The following CSN1S1 variants were observed in gnomAD, a reference collection of about 807,000 sequenced individuals.
The protein encoded by CSN1S1 is casein alpha s1.
CSN1S1 carries 63 observed loss-of-function variants against 49.1 expected under a neutral mutation model. The observed-to-expected ratio is 1.28, with a 90% confidence interval of 1.05 to 1.58. The LOEUF (loss-of-function observed/expected upper bound fraction) is 1.58. Among genes scored for constraint, CSN1S1 ranks in the 40% most tolerant of loss-of-function variants. The probability of loss-of-function intolerance (pLI) is 0.00; values close to 1 mark genes in which losing one functional copy is unlikely to be tolerated. For synonymous variants in CSN1S1, 78 were observed against 67.1 expected (o/e 1.16, Z -0.79); for missense variants, 260 against 224.7 (o/e 1.16, Z -1.01).
At chr4:69,935,844 T>A (rs1722761789) in intron 4 of CSN1S1, 82 bp from the exon 5 acceptor site, 2 of 895,608 alleles carry the variant, frequency 2.2e-6, no homozygotes, top group Admixed American at 4.7e-5. Flanking sequence ...GAACATAACG[T>A]TTTAATTCAA....
intron 4 of CSN1S1, 40 bp from the exon 5 acceptor site, chr4:69,935,881 TAACTC>T (rs756293751): frequency 8.9e-6 from 11 of 1,232,200 alleles, no homozygotes; most frequent in South Asian, 2.7e-5. Context: ...ATTTGATAGA[TAACTC>T]AACTATGAAT....
chr4:69,933,238 A>G (rs76597938), intron 2 of CSN1S1, among the ~76,000 whole-genome samples: 33 of 152,114 alleles, frequency 2.2e-4, no homozygotes, highest in South Asian at 8.3e-4. Flanking sequence ...TAAGTATGTG[A>G]ACCAAAAAGT....
chr4:69,945,100 C>A, intron 15 of CSN1S1, 96 bp downstream of exon 15: 1 of 1,316,750 alleles, frequency 7.6e-7, no homozygotes, highest in Non-Finnish European at 1.1e-6. Flanking sequence ...TTAGATTAAA[C>A]ATGGCAAATC....
At position 69,941,042 on chromosome 4, in the gene CSN1S1, A is replaced by C; in HGVS notation, c.324A>C (p.Glu108Asp). The C allele has an allele frequency of 6.6e-7, 1 of 1,515,608 alleles. No individual in the cohort carries two copies. The highest frequency in any genetic ancestry group is 1.8e-5 in the Admixed American group (1 of 54,110). The allele number at this position is 1,515,608 out of a possible 1,614,324, so 93.9% of individuals were successfully genotyped here. The part of the protein sequence containing the change: ...KCAEQFCRLN[E>D]YNQLQLQAAH... The stretch of plus-strand genomic sequence containing the variant: ...AGGAACAGTTTTGTAGACTGAACGA[A>C]TACAACCAACTTCAGCTGGTAATAT... The change falls in exon 12 of 16, where the codon GAA becomes GAC. Residue 108 changes from glutamate (E) to aspartate (D), a missense_variant. Transcript: ENST00000246891.
At position 69,940,077 on chromosome 4, in the gene CSN1S1, A is replaced by T; in HGVS notation, c.300+33A>T. The stretch of plus-strand genomic sequence containing the variant: ...ATATTTGCTAAATTTAAAATATATT[A>T]ATATTTTCCAGGATAATTAAAATGC... On this transcript the variant is annotated intron_variant, in intron 11 of 15. Coordinates refer to ENST00000246891, the MANE Select transcript of CSN1S1 (RefSeq NM_001890.2). 7 of 1,081,184 alleles carry T rather than the reference A, an allele frequency of 6.5e-6. No individual in the cohort carries two copies. The South Asian group carries it at 8.4e-5, about 13-fold the overall frequency. 67.0% of individuals were successfully genotyped at this position (1,081,184 alleles called of 1,614,324 possible).
Position 69,934,257 on chromosome 4 carries a change from T to C in CSN1S1, c.84+13T>C, listed in dbSNP as rs1722700836. 6.2e-7 allele frequency: 1 copy of C among 1,609,726 alleles called. No homozygotes were observed. The highest frequency in any genetic ancestry group is 8.5e-7 in the Non-Finnish European group (1 of 1,177,258). On this transcript the variant is annotated intron_variant, in intron 3 of 15. Coordinates refer to ENST00000246891, the MANE Select transcript of CSN1S1 (RefSeq NM_001890.2). ...AGAACGCCTTCAGGTAAATATTCTATTCTGCATTCCAAGAACTCACTCTAA... is the reference window on the plus strand; with the variant it reads ...AGAACGCCTTCAGGTAAATATTCTACTCTGCATTCCAAGAACTCACTCTAA...
intron 4 of CSN1S1, among the ~76,000 whole-genome samples, chr4:69,935,499 G>A (rs1028233838): frequency 2.0e-5 from 3 of 152,050 alleles, no homozygotes; most frequent in African/African-American, 7.2e-5. Flanking sequence ...GCAATGAGTC[G>A]TGATAGCACA....
intron 1 of CSN1S1, among the ~76,000 whole-genome samples, chr4:69,931,397 TG>T (rs1012633997): frequency 3.9e-5 from 6 of 151,952 alleles, no homozygotes; most frequent in African/African-American, 1.4e-4. Context: ...AGTAGAGGCT[TG>T]GGGTAAGCTA....
At chr4:69,937,175 C>A (rs774960599) in intron 8 of CSN1S1, 31 bp downstream of exon 8, 4 of 1,448,882 alleles carry the variant, frequency 2.8e-6, no homozygotes, top group Middle Eastern at 3.5e-4. Flanking sequence ...ATTATTAAAC[C>A]AATATGAGGA....
chr4:69,943,045 G>T (rs1379091557), intron 14 of CSN1S1, among the ~76,000 whole-genome samples: 1 of 146,248 alleles, frequency 6.8e-6, no homozygotes, highest in African/African-American at 2.5e-5. Context: ...TTTACCCTCA[G>T]TTTTTTTTTT....
intron 14 of CSN1S1, among the ~76,000 whole-genome samples, chr4:69,943,912 T>A (rs1723064236): frequency 6.6e-6 from 1 of 152,002 alleles, no homozygotes; most frequent in Non-Finnish European, 1.5e-5. Context: ...AAGTCCCACT[T>A]CTCATCACTG....
At chr4:69,943,759 G>C (rs1370394924) in intron 14 of CSN1S1, among the ~76,000 whole-genome samples, 2 of 151,926 alleles carry the variant, frequency 1.3e-5, no homozygotes, top group Non-Finnish European at 2.9e-5. Flanking sequence ...ATCATCCCAT[G>C]GTGGAAGAGC....
At position 69,944,938 on chromosome 4, in the gene CSN1S1, T is replaced by C; in HGVS notation, c.491T>C (p.Phe164Ser). Residue 164 changes from phenylalanine (F) to serine (S), a missense_variant, in exon 15 of 16, where the codon TTT becomes TCT. Coordinates refer to ENST00000246891, the MANE Select transcript of CSN1S1 (RefSeq NM_001890.2). ...ATGCAGTATGTTCCTTTCCCACCGT[T>C]TTCCGACATCTCCAATCCCACTGCT... ...QIMQYVPFPP[F>S]SDISNPTAHE... 4 of 1,613,012 alleles carry C rather than the reference T, an allele frequency of 2.5e-6. No individual in the cohort carries two copies. Among genetic ancestry groups the C allele is most frequent in the African/African-American group, 2.7e-5 (2 of 74,954 alleles).
chr4:69,940,670 A>G (rs1228204195), intron 11 of CSN1S1, among the ~76,000 whole-genome samples: 1 of 151,862 alleles, frequency 6.6e-6, no homozygotes, highest in Non-Finnish European at 1.5e-5. Context: ...CTGTCCATTT[A>G]ATATTCTAAT....
Position 69,937,138 on chromosome 4 carries a change from T to C in CSN1S1, c.213T>C (p.Ser71=). 1 of 1,541,334 alleles carries C rather than the reference T, an allele frequency of 6.5e-7. No individual in the cohort carries two copies. The highest frequency in any genetic ancestry group is 8.8e-7 in the Non-Finnish European group (1 of 1,141,822). The part of the protein sequence containing the change: ...TDEIKDTRNE[S]TQNCVVAEPE... Reference sequence around the variant, plus strand: ...CTTGGCAGGATACTAGGAATGAGTCTACTCAGGTGAGACCCTTTGTTTTAA... The same window carrying C: ...CTTGGCAGGATACTAGGAATGAGTCCACTCAGGTGAGACCCTTTGTTTTAA... The change falls in exon 8 of 16, where the codon TCT becomes TCC. Residue 71 remains serine (S), a synonymous_variant. Transcript: ENST00000246891.
Position 69,946,480 on chromosome 4 carries a change from A to G in CSN1S1, c.*284A>G, listed in dbSNP as rs1281056309. 2 of 191,622 alleles carry G rather than the reference A, an allele frequency of 1.0e-5. No individual in the cohort carries two copies. Among genetic ancestry groups the G allele is most frequent in the African/African-American group, 4.6e-5 (2 of 43,168 alleles). 11.9% of individuals were successfully genotyped at this position (191,622 alleles called of 1,614,324 possible). On this transcript the variant is annotated 3_prime_UTR_variant, in exon 16 of 16. Coordinates refer to ENST00000246891, the MANE Select transcript of CSN1S1 (RefSeq NM_001890.2). ...GACATTTTGTTTAAAAAGTCTTTGA[A>G]TTGCCAGTTCTGTAAGTGCCATCAA...
Position 69,944,892 on chromosome 4 carries a change from G to C in CSN1S1, c.445G>C (p.Val149Leu), listed in dbSNP as rs1723106439. 2.5e-6 allele frequency: 4 copies of C among 1,612,886 alleles called. No individual in the cohort carries two copies. The highest frequency in any genetic ancestry group is 3.4e-6 in the Non-Finnish European group (4 of 1,179,224). ...LNQLAAYPYAVWYYPQIMQYV... is the reference protein window; with the variant it reads ...LNQLAAYPYALWYYPQIMQYV... ...CCAACTTGCTGCCTACCCCTATGCT[G>C]TTTGGTACTATCCACAAATCATGCA... Residue 149 changes from valine to leucine, a missense_variant, in exon 15 of 16, where the codon GTT becomes CTT. Transcript: ENST00000246891.
chr4:69,933,554 A>C (rs1276266429), intron 2 of CSN1S1, among the ~76,000 whole-genome samples: 2 of 152,004 alleles, frequency 1.3e-5, no homozygotes, highest in African/African-American at 2.4e-5. Context: ...TTACCAAAAC[A>C]ATGATAAAAC....
intron 4 of CSN1S1, 128 bp downstream of exon 4, chr4:69,934,838 G>A: frequency 2.6e-6 from 2 of 781,102 alleles, no homozygotes; most frequent in Non-Finnish European, 4.2e-6. Flanking sequence ...AACAACTCAA[G>A]TACCTGGATT....
Sources: allele counts gnomAD v4.1 joint callset (sites outside exome capture counted in the v4.1 genomes callset), GRCh38; gene constraint gnomAD v4.1.1; transcripts MANE v1.5; gene names NCBI Gene and HGNC (gene_info 2026-07-23, HGNC 2026-07-21).